The following FIZ1 variants were observed in gnomAD, a reference collection of about 807,000 sequenced individuals.
FIZ1 encodes FLT3 interacting zinc finger 1.
Under a neutral mutation model 5.3 loss-of-function variants are expected in FIZ1, and 2 were observed. That is an observed-to-expected ratio of 0.37 (90% CI 0.15 to 1.18). FIZ1 has a LOEUF of 1.18. Ranked by LOEUF, FIZ1 falls within the 50% of genes most tolerant of loss-of-function variation. The pLI, the probability that FIZ1 is intolerant of heterozygous loss-of-function variation, is 0.37. For synonymous variants in FIZ1, 407 were observed against 364.2 expected, an observed-to-expected ratio of 1.12 and a Z score of -1.34; for missense variants, 631 against 749.7, an observed-to-expected ratio of 0.84 and a Z score of 1.85.
Position 55,597,889 on chromosome 19 carries a change from G to A in FIZ1, c.-24C>T. 1 of 1,552,668 alleles carries A rather than the reference G, an allele frequency of 6.4e-7. No homozygotes were observed. The highest frequency in any genetic ancestry group is 1.2e-5 in the South Asian group (1 of 84,952). Reference sequence around the variant, plus strand: ...ATGGTGGCGGGGAATACAGTGGTATGTGGGGGCTCTCTCTGGAGTAGTGGG... The same window carrying A: ...ATGGTGGCGGGGAATACAGTGGTATATGGGGGCTCTCTCTGGAGTAGTGGG... On this transcript the variant is annotated 5_prime_UTR_variant, in exon 2 of 3. Coordinates refer to ENST00000221665, the MANE Select transcript of FIZ1 (RefSeq NM_032836.3).
At chr19:55,598,004 C>A (rs1980415198) in intron 1 of FIZ1, 103 bp from the exon 2 acceptor site, 1 of 1,235,670 alleles carries the variant, frequency 8.1e-7, no homozygotes, top group Non-Finnish European at 1.1e-6. Flanking sequence ...GGGAGACCCT[C>A]CCACTGCCCA....
intron 1 of FIZ1, 66 bp downstream of exon 1, chr19:55,599,408 C>T (rs1301234706): frequency 6.6e-6 from 1 of 152,316 alleles, no homozygotes; most frequent in East Asian, 1.9e-4. Context: ...GAGCGTTGGT[C>T]CTGGAGACCC....
chr19:55,593,301 C>CGCG lies in FIZ1; in HGVS notation c.637_639dup (p.Arg213dup). ...TGCGCCGCCCAGTGGGCCGCCAGCT[C>CGCG]GCGGCCGTGGTCGAAGCGCCGCGCG... On this transcript the variant is annotated inframe_insertion, in exon 3 of 3. Coordinates refer to ENST00000221665, the MANE Select transcript of FIZ1 (RefSeq NM_032836.3). This position sits in a 1 kb window ranked among gnomAD's most constrained non-coding sequence, Gnocchi z 6.3. 1 of 1,255,978 alleles carries CGCG rather than the reference C, an allele frequency of 8.0e-7. No homozygotes were observed. Among genetic ancestry groups the CGCG allele is most frequent in the Non-Finnish European group, 1.0e-6 (1 of 994,232 alleles). 77.8% of individuals were successfully genotyped at this position (1,255,978 alleles called of 1,614,324 possible).
Position 55,593,578 on chromosome 19 carries a change from G to A in FIZ1, c.363C>T (p.Ser121=), listed in dbSNP as rs771521229. ...VCELRFSSRS[S]LGRHLKRQHR... ...GCTGGCGCTTGAGGTGGCGGCCCAG[G>A]CTGGAGCGTGAGGAGAAGCGGAGCT... is the stretch of plus-strand genomic sequence containing the variant. The change falls in exon 3 of 3, where the codon AGC becomes AGT. Residue 121 remains serine, a synonymous_variant. Coordinates refer to ENST00000221665, the MANE Select transcript of FIZ1 (RefSeq NM_032836.3). This position sits in a 1 kb window ranked among gnomAD's most constrained non-coding sequence, Gnocchi z 6.3. 3 of 1,551,358 alleles carry A rather than the reference G, an allele frequency of 1.9e-6. No individual in the cohort carries two copies. Among genetic ancestry groups the A allele is most frequent in the East Asian group, 4.9e-5 (2 of 40,920 alleles).
At position 55,597,578 on chromosome 19, in the gene FIZ1, G is replaced by A. The variant is rs772697516; in HGVS notation, c.288C>T (p.His96=). ...KGFRDSTGLL[H]HQVVHTGEKP... ...GCCGGCCTGTGGGACTCACCTGGTGGTGCAGCAGGCCGGTGGAGTCGCGGA... is the reference window on the plus strand; with the variant it reads ...GCCGGCCTGTGGGACTCACCTGGTGATGCAGCAGGCCGGTGGAGTCGCGGA... Residue 96 remains histidine, a synonymous_variant, in exon 2 of 3, where the codon CAC becomes CAT. Transcript: ENST00000221665. 1.4e-5 allele frequency: 23 copies of A among 1,610,414 alleles called. No individual in the cohort carries two copies. The highest frequency in any genetic ancestry group is 1.7e-4 in the Middle Eastern group (1 of 5,804).
chr19:55,598,575 C>T (rs907310852), intron 1 of FIZ1: 1 of 152,378 alleles, frequency 6.6e-6, no homozygotes. Context: ...ACAGCAAAGA[C>T]GCAACAAGTA....
At position 55,592,244 on chromosome 19, in the gene FIZ1, G is replaced by C; in HGVS notation, c.*206C>G. On this transcript the variant is annotated 3_prime_UTR_variant, in exon 3 of 3. Coordinates refer to ENST00000221665, the MANE Select transcript of FIZ1 (RefSeq NM_032836.3). This position sits in a 1 kb window ranked among gnomAD's most constrained non-coding sequence, Gnocchi z 6.9. Reference sequence around the variant, plus strand: ...TTTGGGCTCCCCTGCCCCAGCTAAGGACCCTGTTTGTTTGTGGTCCCCCAG... The same window carrying C: ...TTTGGGCTCCCCTGCCCCAGCTAAGCACCCTGTTTGTTTGTGGTCCCCCAG... The C allele has an allele frequency of 1.7e-6, 1 of 590,938 alleles. No homozygotes were observed. The highest frequency in any genetic ancestry group is 2.3e-5 in the South Asian group (1 of 44,252). The allele number at this position is 590,938 out of a possible 1,614,324, so 36.6% of individuals were successfully genotyped here. A position where few individuals can be genotyped will look rare whatever the true frequency, so the allele number is the denominator to read the frequency against.
intron 1 of FIZ1, chr19:55,598,246 C>G (rs144180045): frequency 9.1e-4 from 219 of 240,342 alleles, no homozygotes; most frequent in Non-Finnish European, 1.5e-3. Flanking sequence ...CACCTACTCC[C>G]TTCAAAGTCC....
At chr19:55,594,696 C>CA (rs71181796) in intron 2 of FIZ1, among the ~76,000 whole-genome samples, 41,400 of 86,836 alleles carry the variant, frequency 0.48, 9,757 homozygotes, top group South Asian at 0.55. Flanking sequence ...GACTCTGTCT[C>CA]AAAAAAAAAA....
Position 55,597,748 on chromosome 19 carries a change from G to A in FIZ1, c.118C>T (p.Arg40Cys). The A allele has an allele frequency of 6.2e-7, 1 of 1,614,006 alleles. No individual in the cohort carries two copies. The highest frequency in any genetic ancestry group is 8.5e-7 in the Non-Finnish European group (1 of 1,179,944). ...AGCGCTGTGTGCCGGGCAAAGTGGC[G>A]CCGCAGGTCTGAGCGGTAGCGGAAG... The part of the protein sequence containing the change: ...KSFRYRSDLR[R>C]HFARHTALKP... The change falls in exon 2 of 3, where the codon CGC (arginine) becomes TGC (cysteine). Residue 40 changes from arginine to cysteine, a missense_variant. This residue lies in a region of FIZ1 where 68 missense variants were observed against 163.4 expected (regional missense o/e 0.42). Coordinates refer to ENST00000221665, the MANE Select transcript of FIZ1 (RefSeq NM_032836.3).
chr19:55,598,716 C>G (rs1980461487), intron 1 of FIZ1: 1 of 152,222 alleles, frequency 6.6e-6, no homozygotes, highest in Non-Finnish European at 1.5e-5. Flanking sequence ...AAACTCCACC[C>G]AATTTTTCCT....
At chr19:55,598,193 C>T in intron 1 of FIZ1, 1 of 375,982 alleles carries the variant, frequency 2.7e-6, no homozygotes. Context: ...TCTCTGTGCC[C>T]CTCCCACTGT....
In FIZ1 at chr19:55,597,846, G is replaced by C. The variant is rs377236878; in HGVS notation, c.20C>G (p.Pro7Arg). The change falls in exon 2 of 3, where the codon CCA (proline) becomes CGA (arginine). Residue 7 changes from proline to arginine, a missense_variant. Around this residue, in one of 4 missense-constraint regions of FIZ1, gnomAD observed 39 missense variants for 34.3 expected, o/e 1.14. Coordinates refer to ENST00000221665, the MANE Select transcript of FIZ1 (RefSeq NM_032836.3). ...GGCGGGCGGTGCTGGTGCAGGGGTT[G>C]GGGCGGGGACGTCATCCATGGTGGC... MDDVPA[P>R]TPAPAPPAAA... 1 of 1,600,472 alleles carries C rather than the reference G, an allele frequency of 6.2e-7. No individual in the cohort carries two copies. The highest frequency in any genetic ancestry group is 8.5e-7 in the Non-Finnish European group (1 of 1,173,736).
rs1369430553 is a variant in FIZ1 at position 55,594,402 on chromosome 19, A to G, written c.295-756T>C. The stretch of plus-strand genomic sequence containing the variant: ...TGACAGAGCGAGACTCTGTCTCAAA[A>G]AAAAAAAAAAAAAGCCCGGGTGCGG... On this transcript the variant is annotated intron_variant, in intron 2 of 2. Transcript: ENST00000221665. Among the ~76,000 whole-genome samples the G allele has an allele frequency of 3.6e-4, 47 of 131,906 alleles. No homozygotes were observed. In the South Asian group the frequency reaches 0.01, roughly 29 times the overall value. The allele number at this position is 131,906 out of a possible 152,430, so 86.5% of individuals were successfully genotyped here. A position where few individuals can be genotyped will look rare whatever the true frequency, so the allele number is the denominator to read the frequency against.
At position 55,593,656 on chromosome 19, in the gene FIZ1, C is replaced by G; in HGVS notation, c.295-10G>C. On this transcript the variant is annotated splice_polypyrimidine_tract_variant and intron_variant, in intron 2 of 2. Coordinates refer to ENST00000221665, the MANE Select transcript of FIZ1 (RefSeq NM_032836.3). The surrounding 1 kb of genome is among the most constrained non-coding windows in gnomAD (Gnocchi z 6.3). ...CACCAGTGTGGACGACCTAGGGGTG[C>G]GGGAGGAAGGGCACAACGTCAGGGC... 1 of 1,550,408 alleles carries G rather than the reference C, an allele frequency of 6.4e-7. No homozygotes were observed. Among genetic ancestry groups the G allele is most frequent in the Non-Finnish European group, 8.7e-7 (1 of 1,146,504 alleles).
In FIZ1 at chr19:55,598,297, C is replaced by T. The variant is rs77633780; in HGVS notation, c.-36-396G>A. On this transcript the variant is annotated intron_variant, in intron 1 of 2. Coordinates refer to ENST00000221665, the MANE Select transcript of FIZ1 (RefSeq NM_032836.3). ...AAGGATCTTGTATTCTTTGCCAAGC[C>T]CTTTTCCTTCCAAAAGGCCCTCCCA... The T allele has an allele frequency of 1.9e-3, 340 of 180,220 alleles. 1 individual carries two copies. The highest frequency in any genetic ancestry group is 7.8e-3 in the African/African-American group (332 of 42,746). The allele number at this position is 180,220 out of a possible 1,614,324, so 11.2% of individuals were successfully genotyped here.
rs569823232 is a variant in FIZ1 at position 55,592,248 on chromosome 19, CTGTT to C, written c.*198_*201del. 138 of 588,266 alleles carry C rather than the reference CTGTT, an allele frequency of 2.3e-4. 2 individuals carry two copies. The South Asian group carries it at 2.8e-3, about 12-fold the overall frequency. 36.4% of individuals were successfully genotyped at this position (588,266 alleles called of 1,614,324 possible). Reference sequence around the variant, plus strand: ...GGCTCCCCTGCCCCAGCTAAGGACCCTGTTTGTTTGTGGTCCCCCAGCTCCGGGG... The same window carrying C: ...GGCTCCCCTGCCCCAGCTAAGGACCCTGTTTGTGGTCCCCCAGCTCCGGGG... On this transcript the variant is annotated 3_prime_UTR_variant, in exon 3 of 3. Coordinates refer to ENST00000221665, the MANE Select transcript of FIZ1 (RefSeq NM_032836.3). The surrounding 1 kb of genome is among the most constrained non-coding windows in gnomAD (Gnocchi z 6.9).
At position 55,593,249 on chromosome 19, in the gene FIZ1, G is replaced by T; in HGVS notation, c.692C>A (p.Pro231Gln). 7.9e-7 allele frequency: 1 copy of T among 1,267,052 alleles called. No homozygotes were observed. The highest frequency in any genetic ancestry group is 1.0e-6 in the Non-Finnish European group (1 of 997,650). 78.5% of individuals were successfully genotyped at this position (1,267,052 alleles called of 1,614,324 possible). A position where few individuals can be genotyped will look rare whatever the true frequency, so the allele number is the denominator to read the frequency against. Residue 231 changes from proline to glutamine, a missense_variant, in exon 3 of 3, where the codon CCG becomes CAG. Transcript: ENST00000221665. This position sits in a 1 kb window ranked among gnomAD's most constrained non-coding sequence, Gnocchi z 6.3. The stretch of plus-strand genomic sequence containing the variant: ...CGCGTTGAAGTCGCGCTCGCAGCGC[G>T]GGCACTTGAAGGGCTTCACGTCGGT... The part of the protein sequence containing the change: ...AHTDVKPFKC[P>Q]RCERDFNAPA...
rs962382770 is a variant in FIZ1, at chr19:55,598,078, C to T, written c.-36-177G>A. The T allele has an allele frequency of 9.3e-6, 7 of 755,748 alleles. No homozygotes were observed. The African/African-American group carries it at 1.1e-4, about 11-fold the overall frequency. The allele number at this position is 755,748 out of a possible 1,614,324, so 46.8% of individuals were successfully genotyped here. A position where few individuals can be genotyped will look rare whatever the true frequency, so the allele number is the denominator to read the frequency against. On this transcript the variant is annotated intron_variant, in intron 1 of 2. Coordinates refer to ENST00000221665, the MANE Select transcript of FIZ1 (RefSeq NM_032836.3). ...TACTCTCTTAGAAACCCTTCTCTCG[C>T]GGCTCCACGCCTGTGGCAAAATCTT...
Sources: allele counts gnomAD v4.1 joint callset (sites outside exome capture counted in the v4.1 genomes callset), GRCh38; gene constraint gnomAD v4.1.1; regional missense constraint gnomAD v4.1.1; non-coding constraint Gnocchi (gnomAD v3.1); transcripts MANE v1.5; gene names NCBI Gene and HGNC (gene_info 2026-07-23, HGNC 2026-07-21).